ADAMTS3: variants seen among roughly 807,000 people sequenced by gnomAD.
The protein encoded by ADAMTS3 is ADAM metallopeptidase with thrombospondin type 1 motif 3.
Under a neutral mutation model 129.0 loss-of-function variants are expected in ADAMTS3, and 73 were observed. That is an observed-to-expected ratio of 0.57 (90% CI 0.47 to 0.69). The LOEUF is 0.69. Among genes scored for constraint, ADAMTS3 ranks in the 30% least tolerant of loss-of-function variants. ADAMTS3 has a pLI of 0.00. For synonymous variants in ADAMTS3, 477 were observed against 510.8 expected (o/e 0.93, Z 0.89); for missense variants, 1,457 against 1,514.5 (o/e 0.96, Z 0.63).
At chr4:72,554,124 A>G (rs2251060) in intron 2 of ADAMTS3, among the ~76,000 whole-genome samples, 146,688 of 152,118 alleles carry the variant, frequency 0.96, 70,965 homozygotes, top group East Asian at 1. Context: ...TCCTTGTACT[A>G]TGTGAAATAA....
intron 4 of ADAMTS3, among the ~76,000 whole-genome samples, chr4:72,341,572 T>G (rs893799215): frequency 2.6e-5 from 4 of 152,318 alleles, no homozygotes; most frequent in African/African-American, 7.2e-5. Flanking sequence ...AATTCAGACA[T>G]GAGCTCTCAA....
chr4:72,424,228 G>GA (rs1220607613), intron 3 of ADAMTS3, among the ~76,000 whole-genome samples: 1 of 151,896 alleles, frequency 6.6e-6, no homozygotes, highest in East Asian at 1.9e-4. Flanking sequence ...CTACGTTAAA[G>GA]AAAAAAATAA....
chr4:72,319,746 A>C, intron 8 of ADAMTS3, 112 bp downstream of exon 8: 1 of 954,988 alleles, frequency 1.0e-6, no homozygotes. Context: ...ACACTTGGCA[A>C]AAGACAAGAA....
chr4:72,373,565 A>G (rs995387863), intron 4 of ADAMTS3, among the ~76,000 whole-genome samples: 14 of 152,164 alleles, frequency 9.2e-5, no homozygotes, highest in Admixed American at 2.0e-4. Flanking sequence ...ATTTAAAGTT[A>G]AAAATCAGCC....
chr4:72,370,634 C>T (rs1444721056), intron 4 of ADAMTS3, among the ~76,000 whole-genome samples: 1 of 152,058 alleles, frequency 6.6e-6, no homozygotes, highest in African/African-American at 2.4e-5. Flanking sequence ...CCTGTAGTCT[C>T]AGCTACTCAG....
At chr4:72,530,802 A>AGAT (rs1721018371) in intron 3 of ADAMTS3, among the ~76,000 whole-genome samples, 1 of 52,206 alleles carries the variant, frequency 1.9e-5, no homozygotes, top group Non-Finnish European at 3.7e-5. Flanking sequence ...TATATTATAT[A>AGAT]TATTATATAT....
At chr4:72,370,757 A>G (rs1367864389) in intron 4 of ADAMTS3, among the ~76,000 whole-genome samples, 1 of 152,160 alleles carries the variant, frequency 6.6e-6, no homozygotes, top group Non-Finnish European at 1.5e-5. Flanking sequence ...CTCTAAATAA[A>G]TAAATAAATA....
chr4:72,453,341 A>T (rs1456079980), intron 3 of ADAMTS3, among the ~76,000 whole-genome samples: 4 of 151,860 alleles, frequency 2.6e-5, no homozygotes, highest in Non-Finnish European at 5.9e-5. Flanking sequence ...ACAGTGACAT[A>T]GTCGGCTTGC....
At chr4:72,449,668 C>T (rs1718343062) in intron 3 of ADAMTS3, among the ~76,000 whole-genome samples, 2 of 151,750 alleles carry the variant, frequency 1.3e-5, no homozygotes, top group African/African-American at 4.8e-5. Flanking sequence ...TATTATCCTT[C>T]TGCTTAAAAT....
chr4:72,334,866 T>G (rs546322929), intron 5 of ADAMTS3, among the ~76,000 whole-genome samples: 37 of 152,280 alleles, frequency 2.4e-4, no homozygotes, highest in African/African-American at 8.9e-4. Flanking sequence ...ATGTGTTTCT[T>G]CTTCATATAG....
chr4:72,524,984 T>C (rs779698155), intron 3 of ADAMTS3, among the ~76,000 whole-genome samples: 2 of 152,192 alleles, frequency 1.3e-5, no homozygotes, highest in Non-Finnish European at 2.9e-5. Flanking sequence ...CAGTTCTTTC[T>C]CTACTGCTAA....
intron 3 of ADAMTS3, among the ~76,000 whole-genome samples, chr4:72,525,651 T>C (rs942753919): frequency 6.6e-6 from 1 of 152,214 alleles, no homozygotes; most frequent in Non-Finnish European, 1.5e-5. Context: ...CTCCTCCTAA[T>C]GATCTGTTTT....
chr4:72,359,423 T>C (rs1720663461), intron 4 of ADAMTS3, among the ~76,000 whole-genome samples: 2 of 152,058 alleles, frequency 1.3e-5, no homozygotes, highest in Admixed American at 1.3e-4. Context: ...CAGACTATTG[T>C]GCTTTTAACT....
intron 5 of ADAMTS3, among the ~76,000 whole-genome samples, chr4:72,337,412 C>G (rs995648760): frequency 2.0e-5 from 3 of 152,068 alleles, no homozygotes; most frequent in African/African-American, 7.2e-5. Flanking sequence ...TGTATCCATT[C>G]CTACATAGAA....
intron 16 of ADAMTS3, among the ~76,000 whole-genome samples, chr4:72,304,339 A>G (rs1368354345): frequency 1.3e-5 from 2 of 152,158 alleles, no homozygotes; most frequent in African/African-American, 4.8e-5. Flanking sequence ...AAATATTCCC[A>G]TTTGAAAACA....
chr4:72,320,194 G>A (rs1218156885), intron 7 of ADAMTS3, among the ~76,000 whole-genome samples: 1 of 152,096 alleles, frequency 6.6e-6, no homozygotes, highest in African/African-American at 2.4e-5. Flanking sequence ...GAATGGCCTG[G>A]GGTTACCATT....
chr4:72,415,077 G>C, intron 3 of ADAMTS3, 106 bp from the exon 4 acceptor site: 1 of 851,956 alleles, frequency 1.2e-6, no homozygotes, highest in Non-Finnish European at 1.6e-6. Context: ...GAAAACTAAC[G>C]CTTTTTCTTT....
intron 5 of ADAMTS3, among the ~76,000 whole-genome samples, chr4:72,334,301 A>G (rs1719929614): frequency 6.6e-6 from 1 of 152,126 alleles, no homozygotes; most frequent in Non-Finnish European, 1.5e-5. Context: ...GTCAGGAAAT[A>G]AGCTTATTTT....
chr4:72,529,058 A>T (rs2109754275), intron 3 of ADAMTS3, among the ~76,000 whole-genome samples: 1 of 152,280 alleles, frequency 6.6e-6, no homozygotes, highest in African/African-American at 2.4e-5. Flanking sequence ...TTCTGAGGAA[A>T]TATAATTTAA....
Sources: gnomAD v4.1 joint callset for allele counts (sites outside exome capture counted in the v4.1 genomes callset) on GRCh38, gnomAD v4.1.1 for gene constraint, MANE v1.5 for transcripts, NCBI Gene and HGNC (gene_info 2026-07-23, HGNC 2026-07-21) for gene names.